PLEKHH2: variants seen among roughly 807,000 people sequenced by gnomAD.
PLEKHH2 encodes the protein pleckstrin homology, MyTH4 and FERM domain containing H2, also known as pleckstrin homology domain-containing family H member 2.
In PLEKHH2, 129 loss-of-function variants were observed where a neutral mutation model predicts 187.9. The observed-to-expected ratio is 0.69, with a 90% confidence interval of 0.59 to 0.79. The LOEUF is 0.79. Ranked by LOEUF, PLEKHH2 falls within the 30% of genes least tolerant of loss-of-function variation. The pLI is 0.00. For synonymous variants in PLEKHH2, 686 were observed against 605.6 expected (o/e 1.13, Z -1.95); for missense variants, 2,076 against 1,751.2 (o/e 1.19, Z -3.31).
chr2:43,745,357 A>G (rs1275285463), intron 23 of PLEKHH2, among the ~76,000 whole-genome samples: 3 of 152,138 alleles, frequency 2.0e-5, no homozygotes, highest in African/African-American at 7.2e-5. Flanking sequence ...CAGAACCACA[A>G]GGGACCTTAG....
At chr2:43,730,497 C>T (rs1558579528) in intron 18 of PLEKHH2, among the ~76,000 whole-genome samples, 1 of 152,224 alleles carries the variant, frequency 6.6e-6, no homozygotes. Context: ...CTCCTGGGCT[C>T]AAGCAATCCT....
intron 2 of PLEKHH2, among the ~76,000 whole-genome samples, chr2:43,652,404 C>A (rs776595584): frequency 1.4e-4 from 21 of 152,158 alleles, no homozygotes; most frequent in Non-Finnish European, 2.5e-4. Flanking sequence ...CTAGGCTATG[C>A]TATCCAGAAC....
At chr2:43,648,829 C>G (rs1388118736) in intron 2 of PLEKHH2, among the ~76,000 whole-genome samples, 1 of 152,010 alleles carries the variant, frequency 6.6e-6, no homozygotes, top group Non-Finnish European at 1.5e-5. Flanking sequence ...ATCCACCCAT[C>G]TCAGCCTCCC....
intron 20 of PLEKHH2, among the ~76,000 whole-genome samples, chr2:43,739,083 G>A (rs1349882002): frequency 1.3e-5 from 2 of 152,086 alleles, no homozygotes; most frequent in African/African-American, 4.8e-5. Context: ...CAGAGATGGG[G>A]TTTCACCATG....
At position 43,766,747 on chromosome 2, in the gene PLEKHH2, A is replaced by C. The variant is rs1012198990; in HGVS notation, c.*1149A>C. ...TGAATAGCTGGGACTAGAAGCATGCACCACCATGCCCATCTAATATTTGTA... is the reference window on the plus strand; with the variant it reads ...TGAATAGCTGGGACTAGAAGCATGCCCCACCATGCCCATCTAATATTTGTA... On this transcript the variant is annotated 3_prime_UTR_variant, in exon 30 of 30. Transcript: ENST00000282406. 2.0e-5 allele frequency: 3 copies of C among 152,146 alleles called. No homozygotes were observed. Among genetic ancestry groups the C allele is most frequent in the Non-Finnish European group, 4.4e-5 (3 of 68,116 alleles). The allele number at this position is 152,146 out of a possible 1,614,324, so 9.4% of individuals were successfully genotyped here.
chr2:43,710,156 A>G (rs771475230), intron 12 of PLEKHH2, 30 bp downstream of exon 12: 1 of 1,610,108 alleles, frequency 6.2e-7, no homozygotes, highest in South Asian at 1.1e-5. Context: ...TTTAAAAAGC[A>G]GTCAGTCAGA....
chr2:43,743,910 C>A lies in PLEKHH2; in HGVS notation c.3476C>A (p.Pro1159Gln), dbSNP rs112641570. 35 of 1,613,888 alleles carry A rather than the reference C, an allele frequency of 2.2e-5. No homozygotes were observed. In the African/African-American group the frequency reaches 2.8e-4, roughly 13 times the overall value. The stretch of plus-strand genomic sequence containing the variant: ...AACCAGGACACAGGAATGAGGAAAC[C>A]AGCGCAGTCTGGATTTGCGTTGTTC... ...TLNQDTGMRKPAQSGFALFTD... is the reference protein window; with the variant it reads ...TLNQDTGMRKQAQSGFALFTD... The change falls in exon 23 of 30, where the codon CCA (proline) becomes CAA (glutamine). Residue 1159 changes from proline to glutamine, a missense_variant. Physicochemically the swap from Pro to Gln is moderately conservative, Grantham distance 76. Coordinates refer to ENST00000282406, the MANE Select transcript of PLEKHH2 (RefSeq NM_172069.4).
intron 2 of PLEKHH2, chr2:43,659,012 G>C (rs1418816737): frequency 9.2e-6 from 1 of 109,244 alleles, no homozygotes; most frequent in Non-Finnish European, 1.7e-5. Context: ...TCACTCTGTT[G>C]CCTAGGCCTG....
intron 19 of PLEKHH2, among the ~76,000 whole-genome samples, chr2:43,733,247 C>T (rs1671131180): frequency 6.6e-6 from 1 of 151,792 alleles, no homozygotes; most frequent in Admixed American, 6.6e-5. Flanking sequence ...CCTATAGTCC[C>T]AGCTACTTGG....
Position 43,721,672 on chromosome 2 carries a change from G to T in PLEKHH2, c.2541+923G>T, listed in dbSNP as rs377469923. Among the ~76,000 whole-genome samples the T allele has an allele frequency of 2.6e-4, 39 of 152,256 alleles. 1 individual carries two copies. The highest frequency in any genetic ancestry group is 9.4e-4 in the African/African-American group (39 of 41,544). On this transcript the variant is annotated intron_variant, in intron 16 of 29. Transcript: ENST00000282406. ...GCCAAGAGGTGGGAGGATCGTTTGA[G>T]CCCAGGAGTTTGAGACCAGCCTGGA... is the stretch of plus-strand genomic sequence containing the variant.
At chr2:43,692,384 C>A (rs1211960454) in intron 3 of PLEKHH2, 130 bp from the exon 4 acceptor site, 11 of 672,052 alleles carry the variant, frequency 1.6e-5, no homozygotes, top group Non-Finnish European at 2.2e-5. Flanking sequence ...ATATATTAAA[C>A]CTTGCTGTTT....
chr2:43,710,486 C>T lies in PLEKHH2; in HGVS notation c.2215-3C>T. ...TTTCCATTTGTTTTTCTGTTTCATA[C>T]AGAGTGATGTAATTAGAAAACCCCA... On this transcript the variant is annotated splice_region_variant and splice_polypyrimidine_tract_variant and intron_variant, in intron 13 of 29. Transcript: ENST00000282406. 1 of 1,594,642 alleles carries T rather than the reference C, an allele frequency of 6.3e-7. No homozygotes were observed. Among genetic ancestry groups the T allele is most frequent in the South Asian group, 1.2e-5 (1 of 85,890 alleles).
intron 18 of PLEKHH2, among the ~76,000 whole-genome samples, chr2:43,731,080 G>A (rs972232427): frequency 6.6e-6 from 1 of 152,154 alleles, no homozygotes; most frequent in Admixed American, 6.5e-5. Flanking sequence ...GAGCTAAACT[G>A]TGAGGATGCA....
chr2:43,689,641 C>A (rs1367951198), intron 3 of PLEKHH2, among the ~76,000 whole-genome samples: 1 of 152,162 alleles, frequency 6.6e-6, no homozygotes, highest in Non-Finnish European at 1.5e-5. Context: ...TTAATAGGAT[C>A]AGTTGGTAAG....
At chr2:43,651,665 A>T (rs1666479841) in intron 2 of PLEKHH2, among the ~76,000 whole-genome samples, 1 of 152,142 alleles carries the variant, frequency 6.6e-6, no homozygotes, top group African/African-American at 2.4e-5. Flanking sequence ...CCTGTGGTTC[A>T]ACTAAAAGGG....
intron 23 of PLEKHH2, 56 bp from the exon 24 acceptor site, chr2:43,745,810 C>A (rs1671755505): frequency 7.3e-7 from 1 of 1,363,694 alleles, no homozygotes; most frequent in East Asian, 2.4e-5. Context: ...CACTTGTCTT[C>A]AAAAAATGTT....
intron 2 of PLEKHH2, among the ~76,000 whole-genome samples, chr2:43,678,499 G>C (rs1667982846): frequency 6.6e-6 from 1 of 152,176 alleles, no homozygotes; most frequent in Admixed American, 6.5e-5. Flanking sequence ...CTCGCGGTTA[G>C]GAGCTGGAGA....
At chr2:43,684,127 G>C (rs534583490) in intron 3 of PLEKHH2, among the ~76,000 whole-genome samples, 7 of 152,138 alleles carry the variant, frequency 4.6e-5, no homozygotes, top group African/African-American at 1.7e-4. Flanking sequence ...ATAATGCTGT[G>C]TATCCTCTTC....
intron 24 of PLEKHH2, among the ~76,000 whole-genome samples, chr2:43,752,604 C>G (rs1467112502): frequency 6.6e-6 from 1 of 152,110 alleles, no homozygotes. Context: ...GAGCACACAC[C>G]TAACAGTTAC....
Sources: gnomAD v4.1 joint callset for allele counts (sites outside exome capture counted in the v4.1 genomes callset) on GRCh38, gnomAD v4.1.1 for gene constraint, MANE v1.5 for transcripts, NCBI Gene and HGNC (gene_info 2026-07-23, HGNC 2026-07-21) for gene names.